Variants in CFAP91 observed in about 807,000 individuals in gnomAD.
CFAP91 encodes cilia- and flagella-associated protein 91.
In CFAP91, 85 loss-of-function variants were observed where a neutral mutation model predicts 95.9. That is an observed-to-expected ratio of 0.89 (90% CI 0.74 to 1.06). The LOEUF (loss-of-function observed/expected upper bound fraction) is 1.06, where lower values mean the gene tolerates loss of function less well. Ranked by LOEUF, CFAP91 falls within the 50% of genes least tolerant of loss-of-function variation. The pLI is 0.00. For synonymous variants in CFAP91, 335 were observed against 327.5 expected, an observed-to-expected ratio of 1.02 and a Z score of -0.25; for missense variants, 962 against 943.4, an observed-to-expected ratio of 1.02 and a Z score of -0.26.
chr3:119,726,270 C>T lies in CFAP91; in HGVS notation c.782C>T (p.Ser261Phe). 1 of 1,613,838 alleles carries T rather than the reference C, an allele frequency of 6.2e-7. No individual in the cohort carries two copies. The highest frequency in any genetic ancestry group is 1.7e-5 in the Admixed American group (1 of 59,984). The change falls in exon 7 of 18, where the codon TCC becomes TTC. Residue 261 changes from serine to phenylalanine, a missense_variant. Transcript: ENST00000273390. ...EASLPALSDT[S>F]QFEKRRKMMN... is the part of the protein sequence containing the mutation. ...TCTCTCCCCGCTCTGAGTGACACCT[C>T]CCAGTTTGAGAAGAGGAGGAAAATG...
At chr3:119,712,043 A>C (rs558675828) in intron 5 of CFAP91, among the ~76,000 whole-genome samples, 69 of 152,340 alleles carry the variant, frequency 4.5e-4, no homozygotes, top group Non-Finnish European at 7.5e-4. Context: ...CCATAAGAGT[A>C]CTAAAGCCAG....
chr3:119,742,191 A>G (rs1166794187), intron 13 of CFAP91, among the ~76,000 whole-genome samples: 3 of 152,166 alleles, frequency 2.0e-5, no homozygotes, highest in East Asian at 1.9e-4. Context: ...GCCTACAGCT[A>G]AGGGAGGAGT....
intron 13 of CFAP91, among the ~76,000 whole-genome samples, chr3:119,743,134 C>CTT (rs1028044541): frequency 6.6e-5 from 9 of 137,076 alleles, no homozygotes; most frequent in Admixed American, 1.5e-4. Context: ...GTTTCCTGTG[C>CTT]TTTTTTTTTT....
Position 119,751,035 on chromosome 3 carries a change from G to C in CFAP91, c.2242G>C (p.Asp748His). 6.2e-7 allele frequency: 1 copy of C among 1,613,854 alleles called. No homozygotes were observed. The highest frequency in any genetic ancestry group is 8.5e-7 in the Non-Finnish European group (1 of 1,179,866). ...AAAGAAATTAACTGAGGGAGAGCAA[G>C]ATGAGGCCTCAAATGCTGCCATGTT... ...VQKKLTEGEQ[D>H]EASNAAMLLE... The change falls in exon 17 of 18, where the codon GAT becomes CAT. Residue 748 changes from aspartate to histidine, a missense_variant. By Grantham distance (81) the Asp-to-His change is moderately conservative. Transcript: ENST00000273390.
At chr3:119,763,253 A>G (rs1052888274) in intron 17 of CFAP91, among the ~76,000 whole-genome samples, 1 of 152,152 alleles carries the variant, frequency 6.6e-6, no homozygotes, top group Non-Finnish European at 1.5e-5. Flanking sequence ...GAGAAATGCA[A>G]ACAAAAGCCA....
At chr3:119,719,449 GA>G (rs1227581001) in intron 6 of CFAP91, among the ~76,000 whole-genome samples, 1 of 152,196 alleles carries the variant, frequency 6.6e-6, no homozygotes, top group African/African-American at 2.4e-5. Flanking sequence ...TAACGACAGT[GA>G]AAAAGGATGA....
intron 17 of CFAP91, among the ~76,000 whole-genome samples, chr3:119,757,805 G>C (rs954831404): frequency 2.6e-5 from 4 of 152,056 alleles, no homozygotes; most frequent in Non-Finnish European, 4.4e-5. Context: ...GAAACCAGAG[G>C]AGCTGTGTGG....
chr3:119,749,681 A>G (rs2054289402), intron 16 of CFAP91, among the ~76,000 whole-genome samples: 1 of 152,128 alleles, frequency 6.6e-6, no homozygotes, highest in Admixed American at 6.5e-5. Flanking sequence ...TTTTTGCCAA[A>G]TCAAAAAAGC....
intron 10 of CFAP91, among the ~76,000 whole-genome samples, chr3:119,736,208 C>CACTTCCAA (rs2053999725): frequency 6.6e-6 from 1 of 151,530 alleles, no homozygotes; most frequent in African/African-American, 2.4e-5. Flanking sequence ...TAATAGTGCT[C>CACTTCCAA]ACTTCCAATT....
At chr3:119,759,398 A>C (rs2054492730) in intron 17 of CFAP91, among the ~76,000 whole-genome samples, 1 of 151,944 alleles carries the variant, frequency 6.6e-6, no homozygotes, top group Non-Finnish European at 1.5e-5. Flanking sequence ...GGAAGGGGTA[A>C]ATGGGAGCTT....
At chr3:119,717,725 G>A (rs2053604121) in intron 6 of CFAP91, among the ~76,000 whole-genome samples, 1 of 152,102 alleles carries the variant, frequency 6.6e-6, no homozygotes, top group Non-Finnish European at 1.5e-5. Flanking sequence ...TGAGGGGCCT[G>A]TCATGCATGC....
At position 119,730,601 on chromosome 3, in the gene CFAP91, AGTGTGTGTGTGTGTGTGTGT is replaced by A. The variant is rs60453079; in HGVS notation, c.1018+254_1018+273del. On this transcript the variant is annotated intron_variant, in intron 8 of 17. Coordinates refer to ENST00000273390, the MANE Select transcript of CFAP91 (RefSeq NM_033364.4). ...TAACAGGTAGTCGAGTTACTGAGAT[AGTGTGTGTGTGTGTGTGTGT>A]GTGTGTGTGTGTGTGTGTGTGTGTG... Among the ~76,000 whole-genome samples the A allele has an allele frequency of 8.1e-3, 1,118 of 137,204 alleles. 18 individuals carry two copies. Among genetic ancestry groups the A allele is most frequent in the African/African-American group, 0.027 (1,016 of 37,028 alleles). 90.0% of individuals were successfully genotyped at this position (137,204 alleles called of 152,430 possible). A position where few individuals can be genotyped will look rare whatever the true frequency, so the allele number is the denominator to read the frequency against.
At chr3:119,707,244 G>T (rs2053382906) in intron 2 of CFAP91, 160 bp from the exon 3 acceptor site, 3 of 553,008 alleles carry the variant, frequency 5.4e-6, no homozygotes, top group Non-Finnish European at 9.2e-6. Context: ...AGTTTCTTGG[G>T]CATGTATTTA....
chr3:119,724,500 C>T (rs953205819), intron 6 of CFAP91, among the ~76,000 whole-genome samples: 5 of 152,004 alleles, frequency 3.3e-5, no homozygotes, highest in Non-Finnish European at 5.9e-5. Flanking sequence ...GAAAATGCCA[C>T]GCAAGACCCA....
intron 9 of CFAP91, among the ~76,000 whole-genome samples, chr3:119,732,947 C>T (rs924652932): frequency 2.0e-5 from 3 of 152,196 alleles, no homozygotes; most frequent in African/African-American, 7.2e-5. Context: ...ATTGAAGTAT[C>T]ACATGGCCAA....
chr3:119,751,214 G>T, intron 17 of CFAP91, 116 bp downstream of exon 17: 2 of 1,156,694 alleles, frequency 1.7e-6, no homozygotes, highest in South Asian at 1.8e-5. Flanking sequence ...AAGAAATGGA[G>T]GACTTCCACT....
At chr3:119,751,261 T>C (rs1322532882) in intron 17 of CFAP91, among the ~76,000 whole-genome samples, 163 bp downstream of exon 17, 6 of 152,232 alleles carry the variant, frequency 3.9e-5, no homozygotes, top group Non-Finnish European at 7.3e-5. Flanking sequence ...TGTTATCTAC[T>C]GTTGAGATTA....
chr3:119,739,213 C>T (rs2054068994), intron 11 of CFAP91, 42 bp from the exon 12 acceptor site: 6 of 1,496,718 alleles, frequency 4.0e-6, no homozygotes, highest in Non-Finnish European at 5.6e-6. Flanking sequence ...GCTTGGACTA[C>T]TGCAGTTCTC....
chr3:119,759,900 G>A (rs996520651), intron 17 of CFAP91, among the ~76,000 whole-genome samples: 5 of 151,774 alleles, frequency 3.3e-5, no homozygotes, highest in Admixed American at 6.6e-5. Context: ...TGAAGAGTAA[G>A]AAATCAAGGC....
Sources: gnomAD v4.1 joint callset for allele counts (sites outside exome capture counted in the v4.1 genomes callset) on GRCh38, gnomAD v4.1.1 for gene constraint, MANE v1.5 for transcripts, NCBI Gene and HGNC (gene_info 2026-07-23, HGNC 2026-07-21) for gene names.